NPHP3: variants seen among roughly 807,000 people sequenced by gnomAD.
NPHP3 encodes nephrocystin-3.
A neutral mutation model predicts 171.9 loss-of-function variants in NPHP3; 123 were observed. The observed-to-expected ratio is 0.72, with a 90% CI of 0.62 to 0.83. The LOEUF (loss-of-function observed/expected upper bound fraction) is 0.83. Ranked by LOEUF, NPHP3 falls within the 40% of genes least tolerant of loss-of-function variation. The pLI, the probability that NPHP3 is intolerant of heterozygous loss-of-function variation, is 0.00. For synonymous variants in NPHP3, 558 were observed against 579.2 expected, an observed-to-expected ratio of 0.96 and a Z score of 0.52; for missense variants, 1,506 against 1,591.9, an observed-to-expected ratio of 0.95 and a Z score of 0.92.
At chr3:132,693,290 G>A (rs775697677) in intron 16 of NPHP3, 28 of 173,310 alleles carry the variant, frequency 1.6e-4, no homozygotes, top group Non-Finnish European at 2.8e-4. Flanking sequence ...TATGGGGGCA[G>A]TGGAGCTAGA....
rs907455914 is a variant in NPHP3, at chr3:132,712,744, C to T, written c.1118+382G>A. ...TTGCGCCACTGCACTCCAGCCTGGA[C>T]GACAGAGCAAGACTCTGTCTCAAAA... On this transcript the variant is annotated intron_variant, in intron 6 of 26. Transcript: ENST00000337331. Among the ~76,000 whole-genome samples the T allele has an allele frequency of 7.3e-5, 11 of 150,506 alleles. No homozygotes were observed. The East Asian group carries it at 1.6e-3, about 21-fold the overall frequency.
At chr3:132,701,106 C>T (rs527689863) in intron 10 of NPHP3, among the ~76,000 whole-genome samples, 42 of 152,124 alleles carry the variant, frequency 2.8e-4, no homozygotes, top group African/African-American at 1.0e-3. Context: ...CAAATAAAGG[C>T]ACATTACAAT....
In NPHP3 at chr3:132,716,890, T is replaced by C. The variant is rs1160733890; in HGVS notation, c.690A>G (p.Glu230=). The change falls in exon 4 of 27, where the codon GAA becomes GAG. Residue 230 remains glutamate (E), a synonymous_variant. Transcript: ENST00000337331. Reference sequence around the variant, plus strand: ...TTCCCAAGGCTCCGCCAGTCCAATATTCACATTGGGTTCCAGCAGCTGTTC... The same window carrying C: ...TTCCCAAGGCTCCGCCAGTCCAATACTCACATTGGGTTCCAGCAGCTGTTC... The part of the protein sequence containing the change: ...TDVTAAGTQC[E]YWTGGALGSE... 1 of 1,614,068 alleles carries C rather than the reference T, an allele frequency of 6.2e-7. No homozygotes were observed. Among genetic ancestry groups the C allele is most frequent in the East Asian group, 2.2e-5 (1 of 44,888 alleles).
chr3:132,693,903 G>A (rs1939375789), intron 16 of NPHP3: 1 of 150,536 alleles, frequency 6.6e-6, no homozygotes, highest in African/African-American at 2.4e-5. Flanking sequence ...GAGGTTGCTA[G>A]ATATATATTT....
chr3:132,722,149 C>T lies in NPHP3; in HGVS notation c.207G>A (p.Leu69=). The change falls in exon 1 of 27, where the codon CTG becomes CTA. Residue 69 remains leucine (L), a synonymous_variant. Transcript: ENST00000337331. ...SLPRGVGAGG[L]LGASFKSTGS... ...CAGTGGACTTGAAGCTGGCCCCCAG[C>T]AGCCCGCCCGCGCCCACCCCGCGGG... The T allele has an allele frequency of 6.3e-7, 1 of 1,589,262 alleles. No homozygotes were observed. The highest frequency in any genetic ancestry group is 2.3e-5 in the East Asian group (1 of 43,042).
In NPHP3 at chr3:132,716,974, T is replaced by C. The variant is rs1302509371; in HGVS notation, c.671-65A>G. On this transcript the variant is annotated intron_variant, in intron 3 of 26. Transcript: ENST00000337331. ...ATTGAATGTTCAAAAACTCATCACATATACCGAACAGGATTGCTGATTTTA... is the reference window on the plus strand; with the variant it reads ...ATTGAATGTTCAAAAACTCATCACACATACCGAACAGGATTGCTGATTTTA... 4.7e-6 allele frequency: 7 copies of C among 1,482,416 alleles called. No homozygotes were observed. The East Asian group carries it at 1.4e-4, about 29-fold the overall frequency. 91.8% of individuals were successfully genotyped at this position (1,482,416 alleles called of 1,614,324 possible). A position where few individuals can be genotyped will look rare whatever the true frequency, so the allele number is the denominator to read the frequency against.
chr3:132,714,016 C>A (rs764561319), intron 5 of NPHP3, among the ~76,000 whole-genome samples: 2 of 152,194 alleles, frequency 1.3e-5, no homozygotes, highest in Non-Finnish European at 2.9e-5. Context: ...GGTTAGATAG[C>A]AAATATGTCT....
At chr3:132,690,691 A>C (rs780787029) in intron 18 of NPHP3, 41 bp from the exon 19 acceptor site, 2 of 1,607,586 alleles carry the variant, frequency 1.2e-6, no homozygotes, top group East Asian at 4.5e-5. Flanking sequence ...TCTTCCTACA[A>C]TGAGACTGCT....
intron 16 of NPHP3, 33 bp downstream of exon 16, chr3:132,694,794 A>C: frequency 6.2e-7 from 1 of 1,608,174 alleles, no homozygotes. Context: ...AAAGCAAACT[A>C]ACATTCCTTT....
At chr3:132,709,194 G>A (rs1939838918) in intron 6 of NPHP3, among the ~76,000 whole-genome samples, 6 of 147,898 alleles carry the variant, frequency 4.1e-5, no homozygotes. Context: ...TATTTTTAAT[G>A]AAAATTCTAG....
intron 6 of NPHP3, among the ~76,000 whole-genome samples, chr3:132,710,232 G>C (rs954423870): frequency 6.6e-6 from 1 of 152,058 alleles, no homozygotes; most frequent in East Asian, 1.9e-4. Flanking sequence ...AGCTTTGTGG[G>C]GCTGGAGGAG....
intron 9 of NPHP3, among the ~76,000 whole-genome samples, chr3:132,702,741 T>C (rs1939647078): frequency 6.6e-6 from 1 of 152,202 alleles, no homozygotes; most frequent in South Asian, 2.1e-4. Context: ...AGCAGAAAAA[T>C]TATATCTCTA....
chr3:132,703,861 G>A (rs867292808), intron 9 of NPHP3, among the ~76,000 whole-genome samples: 2 of 152,154 alleles, frequency 1.3e-5, no homozygotes, highest in Admixed American at 6.5e-5. Flanking sequence ...GATTACATGC[G>A]TGAGCCACTG....
Position 132,712,714 on chromosome 3 carries a change from C to T in NPHP3, c.1118+412G>A, listed in dbSNP as rs575923797. Among the ~76,000 whole-genome samples, 116 of 151,480 alleles carry T rather than the reference C, an allele frequency of 7.7e-4. 2 individuals carry two copies. The highest frequency in any genetic ancestry group is 1.1e-3 in the Non-Finnish European group (75 of 67,914). Reference sequence around the variant, plus strand: ...CTGGGAGGTGGAGCTTGCAGTGAGCCGAGATTGCGCCACTGCACTCCAGCC... The same window carrying T: ...CTGGGAGGTGGAGCTTGCAGTGAGCTGAGATTGCGCCACTGCACTCCAGCC... On this transcript the variant is annotated intron_variant, in intron 6 of 26. Coordinates refer to ENST00000337331, the MANE Select transcript of NPHP3 (RefSeq NM_153240.5).
At chr3:132,701,219 G>A (rs1460319415) in intron 10 of NPHP3, among the ~76,000 whole-genome samples, 1 of 152,092 alleles carries the variant, frequency 6.6e-6, no homozygotes, top group Non-Finnish European at 1.5e-5. Flanking sequence ...AATCATAAAT[G>A]TTCATGCTTC....
intron 7 of NPHP3, among the ~76,000 whole-genome samples, 177 bp downstream of exon 7, chr3:132,707,924 C>T (rs1271504467): frequency 4.6e-5 from 7 of 152,106 alleles, no homozygotes; most frequent in Admixed American, 4.6e-4. Flanking sequence ...AAATGGCCTC[C>T]GAGGTTCTTC....
chr3:132,688,700 A>G lies in NPHP3; in HGVS notation c.3075T>C (p.Tyr1025=). The G allele has an allele frequency of 1.2e-6, 2 of 1,614,160 alleles. No homozygotes were observed. The highest frequency in any genetic ancestry group is 1.7e-6 in the Non-Finnish European group (2 of 1,179,984). ...SENAYGADHP[Y]TARELEALAT... ...CAAGTGCTTCAAGTTCACGAGCAGT[A>G]TATGGATGGTCCGCACCATAAGCAT... Residue 1025 remains tyrosine (Y), a synonymous_variant, in exon 21 of 27, where the codon TAT becomes TAC. Transcript: ENST00000337331.
At chr3:132,691,075 CTT>C in intron 18 of NPHP3, 115 bp downstream of exon 18, 1 of 842,066 alleles carries the variant, frequency 1.2e-6, no homozygotes, top group Non-Finnish European at 2.1e-6. Context: ...AGGATTTAAT[CTT>C]TTTTGTAATA....
At chr3:132,715,283 GT>G in intron 4 of NPHP3, 65 bp from the exon 5 acceptor site, 1 of 1,437,808 alleles carries the variant, frequency 7.0e-7, no homozygotes, top group Non-Finnish European at 9.8e-7. Flanking sequence ...TTCTAAAAAA[GT>G]TTTAAAAACA....
Sources: allele counts gnomAD v4.1 joint callset (sites outside exome capture counted in the v4.1 genomes callset), GRCh38; gene constraint gnomAD v4.1.1; transcripts MANE v1.5; gene names NCBI Gene and HGNC (gene_info 2026-07-23, HGNC 2026-07-21).